RAPGEF2: variants seen among roughly 807,000 people sequenced by gnomAD.
RAPGEF2 encodes Rap guanine nucleotide exchange factor 2, also known as PDZ domain containing guanine nucleotide exchange factor (GEF) 1.
A neutral mutation model predicts 186.7 loss-of-function variants in RAPGEF2; 54 were observed. The ratio of observed to expected loss-of-function variants is 0.29; its 90% CI spans 0.23 to 0.36. The LOEUF (loss-of-function observed/expected upper bound fraction) is 0.36, where lower values mean the gene tolerates loss of function less well. Among genes scored for constraint, RAPGEF2 ranks in the 10% least tolerant of loss-of-function variants. The probability of loss-of-function intolerance (pLI) is 1.00; values close to 1 mark genes in which losing one functional copy is unlikely to be tolerated. For synonymous variants in RAPGEF2, 712 were observed against 705.9 expected (o/e 1.01, Z -0.14); for missense variants, 1,532 against 2,045.0 (o/e 0.75, Z 4.84).
Position 159,358,111 on chromosome 4 carries a change from C to T in RAPGEF2, c.4958-3C>T. 1.2e-6 allele frequency: 2 copies of T among 1,611,804 alleles called. No individual in the cohort carries two copies. The highest frequency in any genetic ancestry group is 1.7e-6 in the Non-Finnish European group (2 of 1,179,076). On this transcript the variant is annotated splice_region_variant and splice_polypyrimidine_tract_variant and intron_variant, in intron 29 of 29. Transcript: ENST00000691494. ...TTCTTTTTCTTCCCTGCTGTATTTG[C>T]AGAAGATGAACAAGTTTCTGCTGTT...
chr4:159,164,162 A>G (rs1007748101), intron 1 of RAPGEF2, among the ~76,000 whole-genome samples: 5 of 151,526 alleles, frequency 3.3e-5, no homozygotes, highest in East Asian at 1.9e-4. Flanking sequence ...CCACCACCAC[A>G]CCCAGCTAAT....
intron 7 of RAPGEF2, among the ~76,000 whole-genome samples, chr4:159,281,652 CA>C (rs1259457376): frequency 1.0e-5 from 1 of 97,176 alleles, no homozygotes; most frequent in Non-Finnish European, 2.0e-5. Flanking sequence ...GCCTGGGCAA[CA>C]AGAGTGCAAC....
chr4:159,151,844 G>A (rs1379665632), intron 1 of RAPGEF2, among the ~76,000 whole-genome samples: 2 of 152,106 alleles, frequency 1.3e-5, no homozygotes, highest in Non-Finnish European at 2.9e-5. Context: ...ACAGTTGGGC[G>A]ACATTGATGG....
At position 159,282,016 on chromosome 4, in the gene RAPGEF2, G is replaced by C. The variant is rs191846119; in HGVS notation, c.544-22326G>C. On this transcript the variant is annotated intron_variant, in intron 7 of 29. Transcript: ENST00000691494. Reference sequence around the variant, plus strand: ...GTGACAGTAGGCAGATTGCTTCAATGTTCAGAACCATTTTTCCTGATCTGT... The same window carrying C: ...GTGACAGTAGGCAGATTGCTTCAATCTTCAGAACCATTTTTCCTGATCTGT... Among the ~76,000 whole-genome samples, 411 of 152,206 alleles carry C rather than the reference G, an allele frequency of 2.7e-3. 3 individuals carry two copies. The highest frequency in any genetic ancestry group is 2.2e-3 in the Non-Finnish European group (150 of 68,008).
In RAPGEF2 at chr4:159,208,722, T is replaced by G. The variant is rs78754724; in HGVS notation, c.198-1778T>G. Among the ~76,000 whole-genome samples, 1,484 of 152,312 alleles carry G rather than the reference T, an allele frequency of 9.7e-3. 20 individuals carry two copies. Among genetic ancestry groups the G allele is most frequent in the African/African-American group, 0.034 (1,406 of 41,552 alleles). On this transcript the variant is annotated intron_variant, in intron 3 of 29. Coordinates refer to ENST00000691494, the MANE Select transcript of RAPGEF2 (RefSeq NM_001394067.2). ...CTGAGTTTATGTCCTAACTAATAAA[T>G]TTGATGCAATTGACTATGTGTGATA...
intron 1 of RAPGEF2, among the ~76,000 whole-genome samples, chr4:159,158,706 C>G (rs977614466): frequency 5.9e-5 from 9 of 152,126 alleles, no homozygotes; most frequent in African/African-American, 2.2e-4. Flanking sequence ...TGTTGGCACA[C>G]AAAACCAAGT....
chr4:159,328,170 T>C (rs1447561855), intron 11 of RAPGEF2: 1 of 152,162 alleles, frequency 6.6e-6, no homozygotes, highest in Admixed American at 6.5e-5. Context: ...AAATCTCTTA[T>C]ATGTATTTGG....
rs1750164181 is a variant in RAPGEF2 at position 159,208,189 on chromosome 4, G to T, written c.198-2311G>T. 2.6e-5 allele frequency among the ~76,000 whole-genome samples: 4 copies of T among 152,322 alleles called. No homozygotes were observed. In the South Asian group the frequency reaches 8.3e-4, roughly 32 times the overall value. On this transcript the variant is annotated intron_variant, in intron 3 of 29. Transcript: ENST00000691494. Reference sequence around the variant, plus strand: ...ATTCACTTTGGAAGTAGATAGCACAGTGAAAATGATTAGGTGATAGTGATT... The same window carrying T: ...ATTCACTTTGGAAGTAGATAGCACATTGAAAATGATTAGGTGATAGTGATT...
In RAPGEF2 at chr4:159,203,448, G is replaced by GT. The variant is rs146407938; in HGVS notation, c.198-7051dup. On this transcript the variant is annotated intron_variant, in intron 3 of 29. Transcript: ENST00000691494. ...ATAATTATGACGTTCTGGCACCTGC[G>GT]TCACGTGAGCATGTACACAGGGCAC... Among the ~76,000 whole-genome samples the GT allele has an allele frequency of 1.9e-3, 295 of 152,260 alleles. 2 individuals are homozygous for GT. The highest frequency in any genetic ancestry group is 6.8e-3 in the African/African-American group (282 of 41,552).
rs1033636350 is a variant in RAPGEF2 at position 159,291,888 on chromosome 4, G to C, written c.544-12454G>C. Among the ~76,000 whole-genome samples the C allele has an allele frequency of 2.0e-5, 3 of 151,718 alleles. No individual in the cohort carries two copies. In the East Asian group the frequency reaches 5.8e-4, roughly 29 times the overall value. On this transcript the variant is annotated intron_variant, in intron 7 of 29. Transcript: ENST00000691494. ...ATGTTTTATTTTTCTTATCTCAAAA[G>C]TAATTCATATTTATATTTAAAATTT... is the stretch of plus-strand genomic sequence containing the variant.
intron 1 of RAPGEF2, among the ~76,000 whole-genome samples, chr4:159,111,533 T>C (rs910181664): frequency 6.6e-6 from 1 of 152,186 alleles, no homozygotes; most frequent in Non-Finnish European, 1.5e-5. Context: ...TCACCCAACA[T>C]AAAAACGGAG....
Position 159,345,327 on chromosome 4 carries a change from CAT to C in RAPGEF2, c.3501_3502del (p.Leu1168AlafsTer2). 1 of 1,613,860 alleles carries C rather than the reference CAT, an allele frequency of 6.2e-7. No homozygotes were observed. Among genetic ancestry groups the C allele is most frequent in the East Asian group, 2.2e-5 (1 of 44,882 alleles). On this transcript the variant is annotated frameshift_variant and splice_region_variant, in exon 24 of 30. Transcript: ENST00000691494. LOFTEE classifies it high-confidence loss of function. ...CTGCAGTGTGAGCCAGCAACCAACA[CAT>C]GTGAGTTTTTCCTTAAAGTGGCTGC...
intron 1 of RAPGEF2, among the ~76,000 whole-genome samples, chr4:159,135,841 T>G (rs1158151512): frequency 6.6e-6 from 1 of 151,664 alleles, no homozygotes; most frequent in Non-Finnish European, 1.5e-5. Context: ...TCAGGTAATC[T>G]GCCCGCCTCG....
chr4:159,250,768 T>TGCTA (rs1755228925), intron 7 of RAPGEF2, among the ~76,000 whole-genome samples: 2 of 150,134 alleles, frequency 1.3e-5, no homozygotes, highest in South Asian at 4.2e-4. Flanking sequence ...GGTGACAACG[T>TGCTA]GCTAGCAGCC....
At chr4:159,264,455 A>G (rs1182250432) in intron 7 of RAPGEF2, among the ~76,000 whole-genome samples, 3 of 152,182 alleles carry the variant, frequency 2.0e-5, no homozygotes, top group East Asian at 3.8e-4. Context: ...CATGGGGGTA[A>G]TTTGACTTAA....
intron 1 of RAPGEF2, among the ~76,000 whole-genome samples, chr4:159,157,514 C>T (rs980120545): frequency 1.1e-4 from 17 of 152,186 alleles, no homozygotes; most frequent in African/African-American, 2.9e-4. Flanking sequence ...TCTAGGGTTT[C>T]GGAGTCAGAC....
At chr4:159,171,893 T>C (rs967207280) in intron 1 of RAPGEF2, among the ~76,000 whole-genome samples, 4 of 152,158 alleles carry the variant, frequency 2.6e-5, no homozygotes, top group African/African-American at 9.7e-5. Context: ...CCAAGACCAT[T>C]GCCCTTCATA....
At chr4:159,219,556 C>T (rs554268177) in intron 4 of RAPGEF2, among the ~76,000 whole-genome samples, 4 of 152,058 alleles carry the variant, frequency 2.6e-5, no homozygotes, top group South Asian at 2.1e-4. Context: ...GGGGTTTCAC[C>T]GTGTTAGCCA....
Position 159,103,605 on chromosome 4 carries a change from G to C in RAPGEF2, c.-558G>C. ...CGTCCTCCCGACCGGCGGCCGAGGCGCCCGAGGACTGGGGACGCGGAAGAT... is the reference window on the plus strand; with the variant it reads ...CGTCCTCCCGACCGGCGGCCGAGGCCCCCGAGGACTGGGGACGCGGAAGAT... On this transcript the variant is annotated 5_prime_UTR_variant, in exon 1 of 30. Coordinates refer to ENST00000691494, the MANE Select transcript of RAPGEF2 (RefSeq NM_001394067.2). 1 of 153,044 alleles carries C rather than the reference G, an allele frequency of 6.5e-6. No homozygotes were observed. Among genetic ancestry groups the C allele is most frequent in the East Asian group, 1.9e-4 (1 of 5,174 alleles). 9.5% of individuals were successfully genotyped at this position (153,044 alleles called of 1,614,324 possible). A position where few individuals can be genotyped will look rare whatever the true frequency, so the allele number is the denominator to read the frequency against.
Sources: allele counts gnomAD v4.1 joint callset (sites outside exome capture counted in the v4.1 genomes callset), GRCh38; gene constraint gnomAD v4.1.1; transcripts MANE v1.5; gene names NCBI Gene and HGNC (gene_info 2026-07-23, HGNC 2026-07-21).